The following SORL1 variants were observed in gnomAD, a reference collection of about 807,000 sequenced individuals.
The protein encoded by SORL1 is sortilin-related receptor.
A neutral mutation model predicts 273.7 loss-of-function variants in SORL1; 127 were observed. That is an observed-to-expected ratio of 0.46 (90% confidence interval 0.40 to 0.54). SORL1 has a LOEUF of 0.54. Among genes scored for constraint, SORL1 ranks in the 20% least tolerant of loss-of-function variants. The probability of loss-of-function intolerance (pLI) is 0.00; values close to 1 mark genes in which losing one functional copy is unlikely to be tolerated. For missense variants in SORL1, 2,494 were observed against 2,846.1 expected (o/e 0.88, Z 2.81); for synonymous variants, 1,031 against 1,067.4 (o/e 0.97, Z 0.66).
At chr11:121,578,447 C>T (rs1862968932) in intron 25 of SORL1, among the ~76,000 whole-genome samples, 1 of 152,192 alleles carries the variant, frequency 6.6e-6, no homozygotes, top group Non-Finnish European at 1.5e-5. Flanking sequence ...CAAAGCACGC[C>T]TACTAATTGG....
intron 27 of SORL1, 47 bp from the exon 28 acceptor site, chr11:121,587,973 C>T (rs771920292): frequency 5.0e-6 from 8 of 1,605,394 alleles, no homozygotes; most frequent in Admixed American, 1.7e-5. Context: ...GAGGGCCCAG[C>T]CAGCCGCAGT....
intron 35 of SORL1, 65 bp from the exon 36 acceptor site, chr11:121,606,780 A>G: frequency 2.0e-6 from 2 of 1,021,968 alleles, no homozygotes; most frequent in Admixed American, 1.8e-5. Context: ...TTCTAAGCCC[A>G]GGAAAATTCC....
intron 3 of SORL1, among the ~76,000 whole-genome samples, chr11:121,481,767 G>T (rs1861391591): frequency 7.1e-6 from 1 of 141,492 alleles, no homozygotes; most frequent in Admixed American, 7.1e-5. Context: ...ATGTCTATAG[G>T]CAGGCTCCAT....
chr11:121,624,621 C>T (rs1317194893), intron 45 of SORL1, among the ~76,000 whole-genome samples: 1 of 152,186 alleles, frequency 6.6e-6, no homozygotes, highest in Non-Finnish European at 1.5e-5. Flanking sequence ...ACATATTGTT[C>T]TGGGGACAAA....
rs142670081 is a variant in SORL1, at chr11:121,559,684, C to T, written c.3049+27C>T. 38 of 1,609,616 alleles carry T rather than the reference C, an allele frequency of 2.4e-5. No individual in the cohort carries two copies. The African/African-American group carries it at 4.3e-4, about 18-fold the overall frequency. ...TAAGCCAGAGTCTCTTCTTTTGTCT[C>T]TGTAGAGTTGATCTCAAGAAAGGGG... On this transcript the variant is annotated intron_variant, in intron 21 of 47. Transcript: ENST00000260197.
chr11:121,623,294 A>C (rs1863749852), intron 45 of SORL1, among the ~76,000 whole-genome samples: 1 of 152,242 alleles, frequency 6.6e-6, no homozygotes, highest in South Asian at 2.1e-4. Context: ...TATAACTGGT[A>C]TGAATAGTAG....
intron 5 of SORL1, among the ~76,000 whole-genome samples, chr11:121,495,792 T>C (rs1861620578): frequency 6.6e-6 from 1 of 152,162 alleles, no homozygotes; most frequent in Non-Finnish European, 1.5e-5. Flanking sequence ...TTCTATGTTT[T>C]CATTTTGGAT....
Position 121,596,740 on chromosome 11 carries a change from C to G in SORL1, c.4519+968C>G, listed in dbSNP as rs984874398. On this transcript the variant is annotated intron_variant, in intron 32 of 47. Transcript: ENST00000260197. This position sits in a 1 kb window ranked among gnomAD's most constrained non-coding sequence, Gnocchi z 4.3. The stretch of plus-strand genomic sequence containing the variant: ...GTGAATGTAGAAGACGCCCCTCTCA[C>G]TCTCTGCTGAGAGCCTCCCTGCCGC... Among the ~76,000 whole-genome samples, 1 of 152,216 alleles carries G rather than the reference C, an allele frequency of 6.6e-6. No individual in the cohort carries two copies. The highest frequency in any genetic ancestry group is 6.5e-5 in the Admixed American group (1 of 15,286).
chr11:121,600,641 A>C (rs753391571), intron 32 of SORL1, among the ~76,000 whole-genome samples: 1 of 152,146 alleles, frequency 6.6e-6, no homozygotes, highest in Non-Finnish European at 1.5e-5. Flanking sequence ...ATTCACAGGG[A>C]TGTTGCCTGG....
chr11:121,600,497 G>A (rs1351136955), intron 32 of SORL1, among the ~76,000 whole-genome samples: 3 of 152,174 alleles, frequency 2.0e-5, no homozygotes, highest in Admixed American at 2.0e-4. Flanking sequence ...AGGCGAATAA[G>A]CAACCACATA....
At chr11:121,505,048 C>T (rs1417779403) in intron 6 of SORL1, among the ~76,000 whole-genome samples, 2 of 152,096 alleles carry the variant, frequency 1.3e-5, no homozygotes, top group Non-Finnish European at 2.9e-5. Context: ...TGGAATGAAT[C>T]CCACATGCTC....
intron 7 of SORL1, among the ~76,000 whole-genome samples, chr11:121,513,927 G>C (rs1030433467): frequency 1.3e-5 from 2 of 152,178 alleles, no homozygotes; most frequent in African/African-American, 4.8e-5. Context: ...CCATTATTTT[G>C]TGCCCCATTT....
intron 1 of SORL1, among the ~76,000 whole-genome samples, chr11:121,465,479 C>A (rs954070827): frequency 6.6e-6 from 1 of 152,002 alleles, no homozygotes. Context: ...CAACTAGATT[C>A]ATTGTTTCCC....
Position 121,633,043 on chromosome 11 carries a change from G to C in SORL1, c.*3480G>C, listed in dbSNP as rs1385806158. On this transcript the variant is annotated 3_prime_UTR_variant, in exon 48 of 48. Coordinates refer to ENST00000260197, the MANE Select transcript of SORL1 (RefSeq NM_003105.6). The stretch of plus-strand genomic sequence containing the variant: ...TTGTGTTATTTTTCTTAACTGGAGT[G>C]TGTGCTGCCTTTCAGGTACAATTTT... 6.6e-6 allele frequency: 1 copy of C among 152,238 alleles called. No individual in the cohort carries two copies. The highest frequency in any genetic ancestry group is 1.5e-5 in the Non-Finnish European group (1 of 68,038). 9.4% of individuals were successfully genotyped at this position (152,238 alleles called of 1,614,324 possible).
Position 121,608,179 on chromosome 11 carries a change from A to G in SORL1, c.5239+3A>G. 6.2e-7 allele frequency: 1 copy of G among 1,610,178 alleles called. No individual in the cohort carries two copies. Among genetic ancestry groups the G allele is most frequent in the Non-Finnish European group, 8.5e-7 (1 of 1,176,420 alleles). On this transcript the variant is annotated splice_donor_region_variant and intron_variant, in intron 38 of 47. Coordinates refer to ENST00000260197, the MANE Select transcript of SORL1 (RefSeq NM_003105.6). Reference sequence around the variant, plus strand: ...CATTACCACCATAAAAGGAAAAGGTAAATGATCCCAGCATTTGCAGATTTA... The same window carrying G: ...CATTACCACCATAAAAGGAAAAGGTGAATGATCCCAGCATTTGCAGATTTA...
chr11:121,623,943 C>T (rs973769795), intron 45 of SORL1, among the ~76,000 whole-genome samples: 6 of 152,162 alleles, frequency 3.9e-5, no homozygotes, highest in African/African-American at 7.2e-5. Context: ...CACATGGCTG[C>T]GGAGGCCTCT....
intron 25 of SORL1, among the ~76,000 whole-genome samples, chr11:121,581,646 C>T (rs953036338): frequency 1.3e-5 from 2 of 152,102 alleles, no homozygotes; most frequent in East Asian, 1.9e-4. Flanking sequence ...AAAGATAATG[C>T]GTTATGTATT....
intron 5 of SORL1, among the ~76,000 whole-genome samples, chr11:121,493,562 C>A (rs1861587790): frequency 6.6e-6 from 1 of 152,142 alleles, no homozygotes; most frequent in Non-Finnish European, 1.5e-5. Flanking sequence ...TGATCTCATG[C>A]CTGTTTTCTA....
At chr11:121,566,280 C>T (rs565802344) in intron 21 of SORL1, among the ~76,000 whole-genome samples, 2 of 151,902 alleles carry the variant, frequency 1.3e-5, no homozygotes, top group South Asian at 2.1e-4. Context: ...AAAAATTATT[C>T]GGAATTTTGA....
Sources: allele counts gnomAD v4.1 joint callset (sites outside exome capture counted in the v4.1 genomes callset), GRCh38; gene constraint gnomAD v4.1.1; non-coding constraint Gnocchi (gnomAD v3.1); transcripts MANE v1.5; gene names NCBI Gene and HGNC (gene_info 2026-07-23, HGNC 2026-07-21).